The following RIMS1 variants were observed in gnomAD, a reference collection of about 807,000 sequenced individuals.
RIMS1 encodes regulating synaptic membrane exocytosis 1.
In RIMS1, 83 loss-of-function variants were observed where a neutral mutation model predicts 214.1. That is an observed-to-expected ratio of 0.39 (90% CI 0.32 to 0.47). The LOEUF (loss-of-function observed/expected upper bound fraction) is 0.47. Ranked by LOEUF, RIMS1 falls within the 20% of genes least tolerant of loss-of-function variation. The probability of loss-of-function intolerance (pLI) is 0.99; values close to 1 mark genes in which losing one functional copy is unlikely to be tolerated. For synonymous variants in RIMS1, 793 were observed against 786.8 expected (o/e 1.01, Z -0.13); for missense variants, 2,050 against 2,161.8 (o/e 0.95, Z 1.03).
chr6:72,271,356 GA>G (rs555733001), intron 22 of RIMS1, among the ~76,000 whole-genome samples: 9 of 145,556 alleles, frequency 6.2e-5, no homozygotes, highest in African/African-American at 2.3e-4. Flanking sequence ...AAATAATAGG[GA>G]AAAAATTTTA....
chr6:72,217,049 C>A (rs989284532), intron 6 of RIMS1: 6 of 1,455,398 alleles, frequency 4.1e-6, no homozygotes, highest in Admixed American at 5.0e-5. Flanking sequence ...ATTTAGAATG[C>A]AAGGACCACA....
intron 2 of RIMS1, among the ~76,000 whole-genome samples, chr6:71,991,671 A>G (rs1801600764): frequency 6.6e-6 from 1 of 152,266 alleles, no homozygotes; most frequent in African/African-American, 2.4e-5. Context: ...GAAATAAAGT[A>G]CTGTAGTTTA....
Position 72,259,086 on chromosome 6 carries a change from A to G in RIMS1, c.3028A>G (p.Ser1010Gly), listed in dbSNP as rs768854357. 6.2e-7 allele frequency: 1 copy of G among 1,612,590 alleles called. No individual in the cohort carries two copies. Among genetic ancestry groups the G allele is most frequent in the Non-Finnish European group, 8.5e-7 (1 of 1,178,900 alleles). Residue 1010 changes from serine to glycine, a missense_variant, in exon 18 of 34, where the codon AGT becomes GGT. By Grantham distance (56) the Ser-to-Gly change is moderately conservative (BLOSUM62 0). Around this residue, in one of 6 missense-constraint regions of RIMS1, gnomAD observed 889 missense variants for 885.5 expected, o/e 1.00. Coordinates refer to ENST00000521978, the MANE Select transcript of RIMS1 (RefSeq NM_014989.7). ...TGATCATAGAACCAGAGATGTGGAT[A>G]GTCAGTATTTATCAGAACAAGACAG... ...PVDHRTRDVD[S>G]QYLSEQDSEL...
At chr6:72,324,544 T>A (rs1480788591) in intron 28 of RIMS1, among the ~76,000 whole-genome samples, 1 of 151,816 alleles carries the variant, frequency 6.6e-6, no homozygotes, top group Admixed American at 6.6e-5. Context: ...AAACAGAAAG[T>A]GGTGGATGGA....
intron 11 of RIMS1, among the ~76,000 whole-genome samples, chr6:72,247,156 T>C (rs922048480): frequency 6.6e-6 from 1 of 152,090 alleles, no homozygotes; most frequent in African/African-American, 2.4e-5. Flanking sequence ...CTTGGAACAG[T>C]GAAGAACTCC....
chr6:71,953,189 A>G (rs983427679), intron 1 of RIMS1, among the ~76,000 whole-genome samples: 4 of 151,882 alleles, frequency 2.6e-5, no homozygotes, highest in Non-Finnish European at 4.4e-5. Flanking sequence ...GGTTTTCCCT[A>G]TGTTAGCCAG....
intron 29 of RIMS1, among the ~76,000 whole-genome samples, chr6:72,343,343 G>A (rs1277811061): frequency 6.6e-6 from 1 of 150,898 alleles, no homozygotes; most frequent in African/African-American, 2.4e-5. Flanking sequence ...GCTATTTACT[G>A]TTTAGTTTGA....
chr6:72,043,154 GCA>G (rs61574291), intron 2 of RIMS1, among the ~76,000 whole-genome samples: 18,111 of 147,838 alleles, frequency 0.12, 1,195 homozygotes, highest in African/African-American at 0.17. Flanking sequence ...GAACTTGCAT[GCA>G]CACACACACA....
At chr6:72,279,287 C>A (rs570435871) in intron 23 of RIMS1, among the ~76,000 whole-genome samples, 18 of 152,036 alleles carry the variant, frequency 1.2e-4, no homozygotes, top group African/African-American at 4.3e-4. Context: ...AGGAAATAAT[C>A]ACAGAAAATG....
chr6:72,234,407 T>C (rs1460940130), intron 7 of RIMS1, among the ~76,000 whole-genome samples: 1 of 151,988 alleles, frequency 6.6e-6, no homozygotes, highest in Non-Finnish European at 1.5e-5. Context: ...ATAGGCCTTT[T>C]TCGAGCAGTT....
At chr6:71,909,956 ACC>A (rs1423994829) in intron 1 of RIMS1, among the ~76,000 whole-genome samples, 11 of 152,232 alleles carry the variant, frequency 7.2e-5, no homozygotes, top group African/African-American at 2.6e-4. Flanking sequence ...GAGTCAACTC[ACC>A]TCTTTCTAAA....
intron 2 of RIMS1, among the ~76,000 whole-genome samples, chr6:72,012,060 G>A (rs1810842963): frequency 6.6e-6 from 1 of 152,308 alleles, no homozygotes; most frequent in East Asian, 1.9e-4. Flanking sequence ...ATTCACAATA[G>A]CAAAGACTTG....
intron 23 of RIMS1, among the ~76,000 whole-genome samples, chr6:72,281,667 T>A (rs1415245756): frequency 6.6e-6 from 1 of 152,072 alleles, no homozygotes; most frequent in Non-Finnish European, 1.5e-5. Context: ...TTTCCTATTA[T>A]TTCTTCCCTT....
At chr6:72,099,756 A>G (rs2033063395) in intron 3 of RIMS1, among the ~76,000 whole-genome samples, 1 of 152,190 alleles carries the variant, frequency 6.6e-6, no homozygotes, top group Admixed American at 6.5e-5. Flanking sequence ...TATCTAACAT[A>G]TAGCAGGACC....
chr6:72,006,761 G>T (rs1259733608), intron 2 of RIMS1, among the ~76,000 whole-genome samples: 1 of 152,250 alleles, frequency 6.6e-6, no homozygotes, highest in East Asian at 1.9e-4. Context: ...CTGCAAGGCA[G>T]CAGTGAGGCT....
intron 2 of RIMS1, among the ~76,000 whole-genome samples, chr6:71,989,611 T>A (rs1159734684): frequency 2.6e-5 from 4 of 152,226 alleles, no homozygotes; most frequent in Admixed American, 2.0e-4. Context: ...ATCAATTTAT[T>A]CCAAATGGAT....
intron 2 of RIMS1, among the ~76,000 whole-genome samples, chr6:72,081,288 T>C (rs534575257): frequency 1.3e-5 from 2 of 152,284 alleles, no homozygotes; most frequent in African/African-American, 4.8e-5. Flanking sequence ...GTGTTTTCAT[T>C]TTGACCAATT....
At chr6:72,185,154 G>C (rs2048916740) in intron 6 of RIMS1, among the ~76,000 whole-genome samples, 1 of 152,136 alleles carries the variant, frequency 6.6e-6, no homozygotes, top group Non-Finnish European at 1.5e-5. Flanking sequence ...CAAACACAAA[G>C]ATTCCAGTTT....
intron 23 of RIMS1, among the ~76,000 whole-genome samples, chr6:72,279,347 T>C (rs1443725838): frequency 6.6e-6 from 1 of 152,014 alleles, no homozygotes; most frequent in Non-Finnish European, 1.5e-5. Flanking sequence ...TTTTCTGATT[T>C]TTACTCTAGC....
Sources: allele counts gnomAD v4.1 joint callset (sites outside exome capture counted in the v4.1 genomes callset), GRCh38; gene constraint gnomAD v4.1.1; regional missense constraint gnomAD v4.1.1; transcripts MANE v1.5; gene names NCBI Gene and HGNC (gene_info 2026-07-23, HGNC 2026-07-21).